Variants in SCEL observed in about 807,000 individuals in gnomAD.
SCEL encodes sciellin.
SCEL carries 113 observed loss-of-function variants against 117.6 expected under a neutral mutation model. The observed-to-expected ratio is 0.96, with a 90% CI of 0.83 to 1.12. The LOEUF (loss-of-function observed/expected upper bound fraction) is 1.12. SCEL is among the 50% of genes most tolerant of loss of function. The pLI is 0.00. For synonymous variants in SCEL, 270 were observed against 256.2 expected (o/e 1.05, Z -0.51); for missense variants, 785 against 810.8 (o/e 0.97, Z 0.39).
intron 1 of SCEL, among the ~76,000 whole-genome samples, chr13:77,538,592 G>T (rs1172197363): frequency 6.6e-6 from 1 of 152,002 alleles, no homozygotes; most frequent in African/African-American, 2.4e-5. Context: ...ATTTCATGTC[G>T]ATTACTAAAT....
chr13:77,559,216 C>T (rs551156969), intron 3 of SCEL, among the ~76,000 whole-genome samples: 7 of 152,282 alleles, frequency 4.6e-5, no homozygotes, highest in African/African-American at 1.7e-4. Context: ...ACAGTGTCTT[C>T]GCTGCCTAAT....
intron 13 of SCEL, 113 bp downstream of exon 13, chr13:77,597,702 A>G: frequency 1.9e-6 from 1 of 518,316 alleles, no homozygotes; most frequent in South Asian, 2.8e-5. Context: ...AAAATATCCT[A>G]CAAATCTTGA....
intron 5 of SCEL, among the ~76,000 whole-genome samples, chr13:77,565,608 T>A (rs779652112): frequency 6.6e-6 from 1 of 152,192 alleles, no homozygotes; most frequent in Admixed American, 6.5e-5. Context: ...CACTCCAAAA[T>A]GTAAGACATG....
intron 4 of SCEL, among the ~76,000 whole-genome samples, chr13:77,560,749 A>G (rs2084934651): frequency 6.6e-6 from 1 of 152,202 alleles, no homozygotes; most frequent in Non-Finnish European, 1.5e-5. Context: ...ACAAACAACC[A>G]CACCCATCAG....
At chr13:77,603,783 C>T (rs551977682) in intron 18 of SCEL, among the ~76,000 whole-genome samples, 2 of 152,216 alleles carry the variant, frequency 1.3e-5, no homozygotes, top group Admixed American at 1.3e-4. Flanking sequence ...CTTTTTTGCT[C>T]ACCATGATCC....
chr13:77,543,619 G>A (rs1394353390), intron 1 of SCEL, among the ~76,000 whole-genome samples: 2 of 152,108 alleles, frequency 1.3e-5, no homozygotes, highest in Non-Finnish European at 2.9e-5. Context: ...CTCCACCATG[G>A]ATCTCCATTG....
intron 6 of SCEL, among the ~76,000 whole-genome samples, chr13:77,568,088 T>A (rs2085385121): frequency 6.6e-6 from 1 of 152,182 alleles, no homozygotes; most frequent in Admixed American, 6.5e-5. Flanking sequence ...AGATACTAAA[T>A]TTTCAGAAGA....
rs2087780004 is a variant in SCEL at position 77,602,501 on chromosome 13, A to G, written c.978-153A>G. 30 of 643,008 alleles carry G rather than the reference A, an allele frequency of 4.7e-5. No individual in the cohort carries two copies. The South Asian group carries it at 6.5e-4, about 14-fold the overall frequency. The allele number at this position is 643,008 out of a possible 1,614,324, so 39.8% of individuals were successfully genotyped here. A position where few individuals can be genotyped will look rare whatever the true frequency, so the allele number is the denominator to read the frequency against. ...ATGAAATGCTATTGTGGAAATTACT[A>G]AAGGTAAGTTAAGGATAATTACATC... On this transcript the variant is annotated intron_variant, in intron 16 of 32. Transcript: ENST00000349847.
intron 3 of SCEL, among the ~76,000 whole-genome samples, chr13:77,558,585 G>A (rs897766600): frequency 3.3e-5 from 5 of 151,882 alleles, no homozygotes; most frequent in South Asian, 2.1e-4. Context: ...AGGCCGAGGC[G>A]AGCAAGTCAC....
At chr13:77,545,781 G>T (rs1454488621) in intron 1 of SCEL, among the ~76,000 whole-genome samples, 1 of 152,234 alleles carries the variant, frequency 6.6e-6, no homozygotes, top group Admixed American at 6.5e-5. Flanking sequence ...GAAAGATGTA[G>T]GAGAGATGCC....
chr13:77,632,084 G>GC (rs1195704222), intron 28 of SCEL, among the ~76,000 whole-genome samples: 2 of 152,184 alleles, frequency 1.3e-5, no homozygotes, highest in Non-Finnish European at 2.9e-5. Flanking sequence ...TGGCATTAAG[G>GC]CCCCACCCCC....
chr13:77,596,131 A>C (rs1215244569), intron 12 of SCEL, among the ~76,000 whole-genome samples: 1 of 152,130 alleles, frequency 6.6e-6, no homozygotes, highest in Non-Finnish European at 1.5e-5. Flanking sequence ...TAAGGAGTTC[A>C]AGACCAGCTT....
intron 9 of SCEL, among the ~76,000 whole-genome samples, chr13:77,573,659 ATCT>A (rs2085773683): frequency 6.6e-6 from 1 of 151,936 alleles, no homozygotes; most frequent in African/African-American, 2.4e-5. Flanking sequence ...CTATCTATCT[ATCT>A]ATCTATCTAT....
intron 9 of SCEL, among the ~76,000 whole-genome samples, chr13:77,573,601 C>A (rs59825895): frequency 0.1 from 15,575 of 151,986 alleles, 1,311 homozygotes; most frequent in East Asian, 0.44. Flanking sequence ...TCAATAGACA[C>A]AAAGAGCTCA....
chr13:77,538,154 T>A (rs1179209756), intron 1 of SCEL, among the ~76,000 whole-genome samples: 1 of 151,640 alleles, frequency 6.6e-6, no homozygotes, highest in Non-Finnish European at 1.5e-5. Flanking sequence ...TCTCGCTCTT[T>A]TCCCCAGTCT....
chr13:77,622,566 C>T (rs2154404430), intron 27 of SCEL, among the ~76,000 whole-genome samples: 1 of 152,278 alleles, frequency 6.6e-6, no homozygotes, highest in South Asian at 2.1e-4. Context: ...AAATATTCTG[C>T]AGTCTACATT....
intron 1 of SCEL, among the ~76,000 whole-genome samples, chr13:77,552,776 A>G (rs943868470): frequency 3.3e-5 from 5 of 152,220 alleles, no homozygotes; most frequent in African/African-American, 1.2e-4. Context: ...GCCCATGCCT[A>G]TGTCCTGAAT....
At chr13:77,628,170 G>GTA (rs67297453) in intron 28 of SCEL, among the ~76,000 whole-genome samples, 161 bp downstream of exon 28, 2,181 of 139,722 alleles carry the variant, frequency 0.016, 47 homozygotes, top group African/African-American at 0.05. Context: ...ATATGTGTGT[G>GTA]TATATATATA....
chr13:77,612,849 G>T, intron 22 of SCEL, 42 bp from the exon 23 acceptor site: 3 of 1,146,520 alleles, frequency 2.6e-6, no homozygotes, highest in Middle Eastern at 2.0e-4. Flanking sequence ...CAAATTATTG[G>T]ATTTTAGTTG....
Sources: gnomAD v4.1 joint callset for allele counts (sites outside exome capture counted in the v4.1 genomes callset) on GRCh38, gnomAD v4.1.1 for gene constraint, MANE v1.5 for transcripts, NCBI Gene and HGNC (gene_info 2026-07-23, HGNC 2026-07-21) for gene names.